FMN1: variants seen among roughly 807,000 people sequenced by gnomAD.
FMN1 encodes formin 1, also known as formin-1.
FMN1 carries 110 observed loss-of-function variants against 132.4 expected under a neutral mutation model. The ratio of observed to expected loss-of-function variants is 0.83; its 90% confidence interval spans 0.71 to 0.97. The LOEUF is 0.97. Among genes scored for constraint, FMN1 ranks in the 50% least tolerant of loss-of-function variants. The probability of loss-of-function intolerance (pLI) is 0.00; values close to 1 mark genes in which losing one functional copy is unlikely to be tolerated. For missense variants in FMN1, 1,792 were observed against 1,705.3 expected, an observed-to-expected ratio of 1.05 and a Z score of -0.90; for synonymous variants, 722 against 651.7, an observed-to-expected ratio of 1.11 and a Z score of -1.64.
intron 9 of FMN1, among the ~76,000 whole-genome samples, chr15:32,932,419 G>T (rs1044426853): frequency 3.9e-5 from 6 of 152,140 alleles, no homozygotes; most frequent in African/African-American, 1.4e-4. Flanking sequence ...ACTTTGTTGA[G>T]AATTTTAACA....
chr15:33,123,634 G>C (rs1440330698), intron 4 of FMN1, among the ~76,000 whole-genome samples: 1 of 152,102 alleles, frequency 6.6e-6, no homozygotes, highest in Non-Finnish European at 1.5e-5. Flanking sequence ...TGATCAAACA[G>C]CTAGCTATTT....
chr15:32,864,327 C>A (rs2059344214), intron 16 of FMN1, among the ~76,000 whole-genome samples: 4 of 151,980 alleles, frequency 2.6e-5, no homozygotes, highest in Admixed American at 2.6e-4. Context: ...TAGGAGAGGG[C>A]AAAGGGGAAA....
intron 6 of FMN1, chr15:33,012,614 AC>A: frequency 2.0e-6 from 2 of 1,024,302 alleles, no homozygotes; most frequent in East Asian, 4.7e-5. Context: ...GTTCAGAAAT[AC>A]CACACTGCAA....
At position 33,100,329 on chromosome 15, in the gene FMN1, A is replaced by G. The variant is rs541555123; in HGVS notation, c.1868-11355T>C. 3.9e-5 allele frequency among the ~76,000 whole-genome samples: 6 copies of G among 152,278 alleles called. No homozygotes were observed. In the South Asian group the frequency reaches 6.2e-4, roughly 16 times the overall value. ...TGAATGTCCTCATATCAATATTAAG[A>G]TAACACAGGGAAGCTATTGTGAAAC... is the stretch of plus-strand genomic sequence containing the variant. On this transcript the variant is annotated intron_variant, in intron 4 of 20. Transcript: ENST00000616417.
At chr15:33,076,114 G>C (rs1367249463) in intron 5 of FMN1, among the ~76,000 whole-genome samples, 1 of 152,178 alleles carries the variant, frequency 6.6e-6, no homozygotes, top group Non-Finnish European at 1.5e-5. Context: ...TGGGGGGCAG[G>C]GGGATGAGGG....
intron 4 of FMN1, among the ~76,000 whole-genome samples, chr15:33,123,886 T>C (rs1036524059): frequency 6.6e-6 from 1 of 152,220 alleles, no homozygotes; most frequent in African/African-American, 2.4e-5. Flanking sequence ...GGAGCTCAAA[T>C]GATATAAGGA....
intron 6 of FMN1, among the ~76,000 whole-genome samples, chr15:33,050,695 G>A (rs867189355): frequency 6.6e-6 from 1 of 152,198 alleles, no homozygotes; most frequent in South Asian, 2.1e-4. Flanking sequence ...TAATGGGCCA[G>A]GACACAACAA....
chr15:32,886,928 G>GC (rs1253077698), intron 16 of FMN1, among the ~76,000 whole-genome samples: 1 of 152,030 alleles, frequency 6.6e-6, no homozygotes, highest in Non-Finnish European at 1.5e-5. Flanking sequence ...AATAACGACC[G>GC]CAAGTTCACA....
At chr15:32,840,203 G>A (rs1281722023) in intron 17 of FMN1, among the ~76,000 whole-genome samples, 1 of 152,188 alleles carries the variant, frequency 6.6e-6, no homozygotes, top group Non-Finnish European at 1.5e-5. Flanking sequence ...TTAGCCCTTA[G>A]TGAGCATCTG....
At chr15:32,886,824 A>G (rs775184362) in intron 16 of FMN1, among the ~76,000 whole-genome samples, 1 of 151,874 alleles carries the variant, frequency 6.6e-6, no homozygotes, top group African/African-American at 2.4e-5. Context: ...ACAGACAAAA[A>G]TGCTAGCTGG....
chr15:32,982,945 T>A (rs1242654141), intron 7 of FMN1, among the ~76,000 whole-genome samples: 2 of 152,184 alleles, frequency 1.3e-5, no homozygotes, highest in African/African-American at 4.8e-5. Flanking sequence ...CATCATCATG[T>A]AAGCCAATTC....
chr15:33,095,332 A>G (rs184924970), intron 4 of FMN1, among the ~76,000 whole-genome samples: 5 of 152,296 alleles, frequency 3.3e-5, no homozygotes, highest in African/African-American at 9.6e-5. Context: ...TGGGCAACAG[A>G]GTAAGACTGT....
At chr15:33,052,682 C>G (rs770085468) in intron 6 of FMN1, among the ~76,000 whole-genome samples, 4 of 152,186 alleles carry the variant, frequency 2.6e-5, no homozygotes, top group Non-Finnish European at 4.4e-5. Context: ...GGTGAAACCC[C>G]ACCTCAAAGC....
At chr15:32,989,425 TA>T (rs1472967295) in intron 7 of FMN1, among the ~76,000 whole-genome samples, 1 of 152,102 alleles carries the variant, frequency 6.6e-6, no homozygotes, top group Non-Finnish European at 1.5e-5. Flanking sequence ...TTGGCAAAGG[TA>T]AAATGATGAT....
intron 17 of FMN1, among the ~76,000 whole-genome samples, chr15:32,841,147 C>T (rs2058737762): frequency 6.6e-6 from 1 of 152,324 alleles, no homozygotes; most frequent in African/African-American, 2.4e-5. Context: ...TGGATCATCA[C>T]AGTTCGTGGG....
At chr15:33,192,638 C>T (rs992433563) in intron 2 of FMN1, among the ~76,000 whole-genome samples, 1 of 152,128 alleles carries the variant, frequency 6.6e-6, no homozygotes, top group Non-Finnish European at 1.5e-5. Context: ...ATAGTGGCAC[C>T]CCTCTAAGAT....
At chr15:32,978,186 A>T (rs56856335) in intron 7 of FMN1, among the ~76,000 whole-genome samples, 1,557 of 152,298 alleles carry the variant, frequency 0.01, 30 homozygotes, top group African/African-American at 0.036. Flanking sequence ...ATAGTTAATT[A>T]CAAGTTTTAA....
intron 7 of FMN1, among the ~76,000 whole-genome samples, chr15:32,998,161 T>C (rs1349362826): frequency 6.6e-6 from 1 of 152,330 alleles, no homozygotes; most frequent in Admixed American, 6.5e-5. Context: ...TTGTGCTCAA[T>C]GAATAAACGT....
chr15:33,144,563 G>A (rs1003082332), intron 4 of FMN1, among the ~76,000 whole-genome samples: 4 of 150,868 alleles, frequency 2.7e-5, no homozygotes, highest in South Asian at 2.1e-4. Flanking sequence ...GCATGAACCC[G>A]GGAGGCGGAA....
Sources: gnomAD v4.1 joint callset for allele counts (sites outside exome capture counted in the v4.1 genomes callset) on GRCh38, gnomAD v4.1.1 for gene constraint, MANE v1.5 for transcripts, NCBI Gene and HGNC (gene_info 2026-07-23, HGNC 2026-07-21) for gene names.